The following LDLRAD3 variants were observed in gnomAD, a reference collection of about 807,000 sequenced individuals.
LDLRAD3 encodes low density lipoprotein receptor class A domain containing 3.
In LDLRAD3, 20 loss-of-function variants were observed where a neutral mutation model predicts 29.4. The ratio of observed to expected loss-of-function variants is 0.68; its 90% CI spans 0.48 to 0.99. LDLRAD3 has a LOEUF of 0.99. Among genes scored for constraint, LDLRAD3 ranks in the 50% least tolerant of loss-of-function variants. LDLRAD3 has a pLI of 0.00. For synonymous variants in LDLRAD3, 157 were observed against 192.7 expected (o/e 0.81, Z 1.53); for missense variants, 420 against 454.3 (o/e 0.92, Z 0.69).
intron 2 of LDLRAD3, among the ~76,000 whole-genome samples, chr11:36,049,368 A>T (rs1325965161): frequency 6.6e-6 from 1 of 152,222 alleles, no homozygotes; most frequent in East Asian, 1.9e-4. Context: ...ATCTTGAGAC[A>T]GATGAGAAAA....
At chr11:36,041,875 G>A in intron 2 of LDLRAD3, among the ~76,000 whole-genome samples, 1 of 115,718 alleles carries the variant, frequency 8.6e-6, no homozygotes, top group South Asian at 2.8e-4. Context: ...GGGTGTGTTT[G>A]GTTGAGGGGG....
intron 1 of LDLRAD3, among the ~76,000 whole-genome samples, chr11:35,982,740 C>G (rs1055260688): frequency 1.3e-5 from 2 of 151,976 alleles, no homozygotes; most frequent in Non-Finnish European, 2.9e-5. Context: ...TCAGCTCTCT[C>G]TAAGGTGGCC....
chr11:36,188,136 GA>G (rs1294691915), intron 4 of LDLRAD3, among the ~76,000 whole-genome samples: 1 of 152,006 alleles, frequency 6.6e-6, no homozygotes, highest in Admixed American at 6.6e-5. Flanking sequence ...ACCACATCGA[GA>G]AGAGATTGGT....
At chr11:36,223,426 C>CT in intron 4 of LDLRAD3, among the ~76,000 whole-genome samples, 2 of 152,282 alleles carry the variant, frequency 1.3e-5, no homozygotes, top group East Asian at 3.9e-4. Context: ...CACTTTCCTC[C>CT]TTTAAGAAAT....
chr11:36,205,347 G>A (rs71481904), intron 4 of LDLRAD3, among the ~76,000 whole-genome samples: 191 of 152,208 alleles, frequency 1.3e-3, no homozygotes, highest in Non-Finnish European at 2.0e-3. Context: ...TCCCCTCTGC[G>A]TCTTGAAAAG....
chr11:36,003,231 G>A (rs896680249), intron 1 of LDLRAD3, among the ~76,000 whole-genome samples: 2 of 152,196 alleles, frequency 1.3e-5, no homozygotes, highest in South Asian at 2.1e-4. Flanking sequence ...GGTGCAGGAA[G>A]TATCTCCTAT....
intron 1 of LDLRAD3, chr11:36,001,316 A>G (rs1012053420): frequency 2.0e-5 from 3 of 152,188 alleles, no homozygotes; most frequent in Non-Finnish European, 4.4e-5. Context: ...CTCGTCATTT[A>G]ACATTAGGTA....
intron 1 of LDLRAD3, among the ~76,000 whole-genome samples, chr11:36,009,042 T>C (rs1401268573): frequency 6.6e-6 from 1 of 152,140 alleles, no homozygotes; most frequent in Non-Finnish European, 1.5e-5. Context: ...TCCTTTGTAT[T>C]TTTTTCTCTC....
Position 36,145,086 on chromosome 11 carries a change from C to T in LDLRAD3, c.454+46625C>T, listed in dbSNP as rs550013513. 6.0e-5 allele frequency among the ~76,000 whole-genome samples: 6 copies of T among 99,262 alleles called. 1 individual carries two copies. The highest frequency in any genetic ancestry group is 3.9e-4 in the South Asian group (1 of 2,576). 65.1% of individuals were successfully genotyped at this position (99,262 alleles called of 152,430 possible). On this transcript the variant is annotated intron_variant, in intron 4 of 5. Transcript: ENST00000315571. Reference sequence around the variant, plus strand: ...AGAGGAGCCCCTCTGCCCGGCCAGCCGCCCCGTCCGGGAGGGAGGTTGGGG... The same window carrying T: ...AGAGGAGCCCCTCTGCCCGGCCAGCTGCCCCGTCCGGGAGGGAGGTTGGGG...
intron 1 of LDLRAD3, among the ~76,000 whole-genome samples, chr11:35,984,029 G>C (rs144262511): frequency 1.3e-5 from 2 of 152,166 alleles, no homozygotes; most frequent in African/African-American, 4.8e-5. Flanking sequence ...TTTTCTGCTT[G>C]TTGAGAAATC....
intron 1 of LDLRAD3, among the ~76,000 whole-genome samples, chr11:35,978,223 G>A (rs1851498419): frequency 2.0e-5 from 3 of 152,184 alleles, no homozygotes; most frequent in Admixed American, 2.0e-4. Context: ...AGGAGGAAGG[G>A]AAGTAACACT....
chr11:35,992,461 G>T (rs995468726), intron 1 of LDLRAD3, among the ~76,000 whole-genome samples: 2 of 152,180 alleles, frequency 1.3e-5, no homozygotes, highest in Non-Finnish European at 2.9e-5. Context: ...CCCAGTGGAT[G>T]AATGGATAAA....
intron 4 of LDLRAD3, among the ~76,000 whole-genome samples, chr11:36,103,655 G>T (rs1853484630): frequency 6.6e-6 from 1 of 152,178 alleles, no homozygotes; most frequent in African/African-American, 2.4e-5. Flanking sequence ...CGTGCCGAAG[G>T]TTTGGGCAAC....
At chr11:36,124,681 TTTTCC>T (rs1188343217) in intron 4 of LDLRAD3, among the ~76,000 whole-genome samples, 4 of 151,740 alleles carry the variant, frequency 2.6e-5, no homozygotes, top group African/African-American at 7.3e-5. Flanking sequence ...GCTAGTCTCC[TTTTCC>T]TTTCTTTTTT....
intron 4 of LDLRAD3, among the ~76,000 whole-genome samples, chr11:36,139,306 T>A (rs1485576801): frequency 6.6e-6 from 1 of 152,192 alleles, no homozygotes; most frequent in Non-Finnish European, 1.5e-5. Flanking sequence ...GCCTTCTCCA[T>A]GAAGACTTCA....
At chr11:36,085,662 A>G (rs932524553) in intron 3 of LDLRAD3, among the ~76,000 whole-genome samples, 4 of 152,028 alleles carry the variant, frequency 2.6e-5, no homozygotes, top group African/African-American at 9.7e-5. Flanking sequence ...CCCAGGCTAG[A>G]GTGCAGTGGT....
intron 1 of LDLRAD3, among the ~76,000 whole-genome samples, chr11:36,016,299 C>T (rs1171978354): frequency 1.3e-5 from 2 of 152,244 alleles, no homozygotes; most frequent in South Asian, 2.1e-4. Flanking sequence ...CCACAGGTTT[C>T]TCCAAGTGAT....
chr11:36,006,122 C>T (rs771222706), intron 1 of LDLRAD3, among the ~76,000 whole-genome samples: 1 of 152,160 alleles, frequency 6.6e-6, no homozygotes, highest in African/African-American at 2.4e-5. Context: ...GAAATATGGG[C>T]TCAGAGACCT....
At position 36,227,279 on chromosome 11, in the gene LDLRAD3, C is replaced by T. The variant is rs1018137266; in HGVS notation, c.649C>T (p.Leu217=). Residue 217 remains leucine, a synonymous_variant, in exon 5 of 6, where the codon CTG becomes TTG. Coordinates refer to ENST00000315571, the MANE Select transcript of LDLRAD3 (RefSeq NM_174902.4). Reference sequence around the variant, plus strand: ...GCACCGGCTGCAGCACCCTGTGCTGCTGTCCCGCCTGGTGGTCCTGGACCA... The same window carrying T: ...GCACCGGCTGCAGCACCCTGTGCTGTTGTCCCGCCTGGTGGTCCTGGACCA... ...PVHRLQHPVL[L]SRLVVLDHPH... 3.7e-6 allele frequency: 6 copies of T among 1,614,030 alleles called. No homozygotes were observed. Among genetic ancestry groups the T allele is most frequent in the Non-Finnish European group, 5.1e-6 (6 of 1,179,990 alleles).
Sources: allele counts gnomAD v4.1 joint callset (sites outside exome capture counted in the v4.1 genomes callset), GRCh38; gene constraint gnomAD v4.1.1; transcripts MANE v1.5; gene names NCBI Gene and HGNC (gene_info 2026-07-23, HGNC 2026-07-21).